Variants in SH3PXD2B observed in about 807,000 individuals in gnomAD.
SH3PXD2B encodes the protein SH3 and PX domain-containing protein 2B.
Under a neutral mutation model 73.1 loss-of-function variants are expected in SH3PXD2B, and 37 were observed. The observed-to-expected ratio is 0.51, with a 90% CI of 0.39 to 0.67. The LOEUF (loss-of-function observed/expected upper bound fraction) is 0.67. SH3PXD2B is among the 30% of genes least tolerant of loss of function. The pLI, the probability that SH3PXD2B is intolerant of heterozygous loss-of-function variation, is 0.00. For synonymous variants in SH3PXD2B, 457 were observed against 480.5 expected (o/e 0.95, Z 0.64); for missense variants, 1,053 against 1,197.8 (o/e 0.88, Z 1.78).
chr5:172,444,808 C>T (rs540768513), intron 1 of SH3PXD2B, among the ~76,000 whole-genome samples: 37 of 152,262 alleles, frequency 2.4e-4, no homozygotes, highest in African/African-American at 8.4e-4. Flanking sequence ...CAGCTCCTCC[C>T]GCTACTCCAG....
chr5:172,348,632 A>G (rs1232195062), intron 10 of SH3PXD2B, among the ~76,000 whole-genome samples: 2 of 68,796 alleles, frequency 2.9e-5, no homozygotes, highest in African/African-American at 1.7e-4. Flanking sequence ...CTATGTATCT[A>G]TCTATGTATC....
chr5:172,367,927 A>C (rs2731715), intron 6 of SH3PXD2B, among the ~76,000 whole-genome samples: 76,739 of 152,056 alleles, frequency 0.5, 20,724 homozygotes, highest in African/African-American at 0.68. Flanking sequence ...CCATTGAACA[A>C]TCTATCACTC....
chr5:172,352,258 CTTG>C (rs1263968818), intron 9 of SH3PXD2B, among the ~76,000 whole-genome samples: 7 of 152,130 alleles, frequency 4.6e-5, no homozygotes, highest in Middle Eastern at 3.2e-3. Context: ...GAGACAGGGT[CTTG>C]TTGTGCTGCC....
chr5:172,450,768 G>A (rs1759777363), intron 1 of SH3PXD2B, among the ~76,000 whole-genome samples: 2 of 151,946 alleles, frequency 1.3e-5, no homozygotes, highest in Admixed American at 6.6e-5. Flanking sequence ...CTCCCCCCAA[G>A]CTGAAGACAA....
At chr5:172,406,794 T>C (rs1758571408) in intron 2 of SH3PXD2B, among the ~76,000 whole-genome samples, 1 of 152,200 alleles carries the variant, frequency 6.6e-6, no homozygotes, top group South Asian at 2.1e-4. Context: ...CCAGGAAGAA[T>C]TCTTCAGGTC....
At chr5:172,382,394 A>C (rs1231089369) in intron 4 of SH3PXD2B, among the ~76,000 whole-genome samples, 2 of 152,170 alleles carry the variant, frequency 1.3e-5, no homozygotes, top group African/African-American at 4.8e-5. Flanking sequence ...ATATACCACC[A>C]GTGGCTCTCA....
chr5:172,373,870 T>G, intron 5 of SH3PXD2B, 55 bp from the exon 6 acceptor site: 1 of 1,585,460 alleles, frequency 6.3e-7, no homozygotes, highest in Non-Finnish European at 8.7e-7. Context: ...TTGCCATGTA[T>G]TGACGTGAGT....
chr5:172,416,952 G>T (rs1758841149), intron 2 of SH3PXD2B, among the ~76,000 whole-genome samples: 1 of 151,802 alleles, frequency 6.6e-6, no homozygotes, highest in Admixed American at 6.6e-5. Flanking sequence ...TAAGTGATCT[G>T]TCTGCCTCAG....
intron 4 of SH3PXD2B, among the ~76,000 whole-genome samples, chr5:172,392,322 A>G (rs967052032): frequency 6.6e-6 from 1 of 152,198 alleles, no homozygotes. Flanking sequence ...TCTATAAACC[A>G]ATGAGAGAGG....
downstream of SH3PXD2B, among the ~76,000 whole-genome samples, chr5:172,331,085 C>T (rs1581253286): frequency 6.6e-6 from 1 of 152,168 alleles, no homozygotes; most frequent in South Asian, 2.1e-4. Context: ...ATCCCAGCTA[C>T]TCAGGAGGCT....
intron 5 of SH3PXD2B, among the ~76,000 whole-genome samples, chr5:172,374,512 T>A (rs1197117816): frequency 1.3e-5 from 2 of 152,116 alleles, no homozygotes; most frequent in African/African-American, 4.8e-5. Context: ...TGAAATCCCA[T>A]CTCTACTAAA....
At chr5:172,420,978 C>T (rs28683102) in intron 2 of SH3PXD2B, among the ~76,000 whole-genome samples, 7,646 of 152,192 alleles carry the variant, frequency 0.05, 649 homozygotes, top group African/African-American at 0.18. Context: ...TCTCCTAGGA[C>T]GTTCAGTTAC....
chr5:172,416,696 C>CTTT (rs202242720), intron 2 of SH3PXD2B, among the ~76,000 whole-genome samples: 37 of 62,250 alleles, frequency 5.9e-4, no homozygotes, highest in East Asian at 7.7e-4. Flanking sequence ...CTCTCTCTCT[C>CTTT]TTTTTTTTTT....
chr5:172,431,974 C>T (rs1391018237), intron 1 of SH3PXD2B, among the ~76,000 whole-genome samples: 2 of 152,108 alleles, frequency 1.3e-5, no homozygotes, highest in East Asian at 1.9e-4. Context: ...GTCAGGGGTT[C>T]GAGACCAGCC....
At chr5:172,392,699 C>T (rs1262544971) in intron 4 of SH3PXD2B, among the ~76,000 whole-genome samples, 5 of 152,040 alleles carry the variant, frequency 3.3e-5, no homozygotes, top group African/African-American at 1.2e-4. Flanking sequence ...GCAGGAGAAT[C>T]CCTTGAACCC....
At chr5:172,373,447 C>T (rs1453008105) in intron 6 of SH3PXD2B, among the ~76,000 whole-genome samples, 14 of 152,262 alleles carry the variant, frequency 9.2e-5, no homozygotes. Flanking sequence ...AAGTCTGCCT[C>T]CCCTTCTCCA....
At chr5:172,325,259 A>C in exon 13 of SH3PXD2B, 1 of 1,512,106 alleles carries the variant, frequency 6.6e-7, no homozygotes, top group Non-Finnish European at 8.8e-7. Context: ...CACAGCAGCA[A>C]GGACATGACG....
At chr5:172,446,488 T>G (rs1759664092) in intron 1 of SH3PXD2B, among the ~76,000 whole-genome samples, 2 of 152,180 alleles carry the variant, frequency 1.3e-5, no homozygotes, top group South Asian at 4.1e-4. Context: ...AAAGCAAGAC[T>G]GCTCCCCTGA....
rs60743560 is a variant in SH3PXD2B at position 172,384,139 on chromosome 5, C to T, written c.310-2012G>A. Among the ~76,000 whole-genome samples, 13 of 152,184 alleles carry T rather than the reference C, an allele frequency of 8.5e-5. No individual in the cohort carries two copies. The East Asian group carries it at 2.5e-3, about 29-fold the overall frequency. ...GATTACAGGCGTGAGCCACTGCGCC[C>T]GGCCTGTGTCTTGCATTTTCTATAT... On this transcript the variant is annotated intron_variant, in intron 4 of 12. Transcript: ENST00000311601.
Sources: gnomAD v4.1 joint callset for allele counts (sites outside exome capture counted in the v4.1 genomes callset) on GRCh38, gnomAD v4.1.1 for gene constraint, MANE v1.5 for transcripts, NCBI Gene and HGNC (gene_info 2026-07-23, HGNC 2026-07-21) for gene names.